The following INHBC variants were observed in gnomAD, a reference collection of about 807,000 sequenced individuals.
INHBC encodes inhibin subunit beta C, also known as inhibin beta C chain.
In INHBC, 10 loss-of-function variants were observed where a neutral mutation model predicts 12.4. That is an observed-to-expected ratio of 0.81 (90% confidence interval 0.50 to 1.37). INHBC has a LOEUF of 1.37. Among genes scored for constraint, INHBC ranks in the 40% most tolerant of loss-of-function variants. The pLI is 0.00. For missense variants in INHBC, 382 were observed against 439.4 expected, an observed-to-expected ratio of 0.87 and a Z score of 1.17; for synonymous variants, 147 against 171.6, an observed-to-expected ratio of 0.86 and a Z score of 1.12.
chr12:57,447,855 T>C (rs1323343305), intron 1 of INHBC, among the ~76,000 whole-genome samples: 1 of 29,222 alleles, frequency 3.4e-5, no homozygotes, highest in Non-Finnish European at 5.8e-5. Flanking sequence ...GGAACAAAAC[T>C]CCGTCTCAAA....
intron 1 of INHBC, among the ~76,000 whole-genome samples, chr12:57,436,957 G>A (rs551420323): frequency 6.6e-6 from 1 of 152,188 alleles, no homozygotes; most frequent in Non-Finnish European, 1.5e-5. Context: ...GTGAGCCACC[G>A]CGCCCAGCAT....
intron 1 of INHBC, among the ~76,000 whole-genome samples, chr12:57,440,211 GGTTTT>G (rs762960810): frequency 2.6e-5 from 4 of 152,020 alleles, no homozygotes; most frequent in Non-Finnish European, 4.4e-5. Flanking sequence ...TGAAGTAAAA[GGTTTT>G]GTTTTGTTTT....
At chr12:57,438,135 A>T (rs1291858992) in intron 1 of INHBC, among the ~76,000 whole-genome samples, 2 of 152,184 alleles carry the variant, frequency 1.3e-5, no homozygotes, top group African/African-American at 4.8e-5. Context: ...GCCTGGGCTC[A>T]GATTCTTGCT....
At chr12:57,436,920 C>A (rs893381362) in intron 1 of INHBC, among the ~76,000 whole-genome samples, 10 of 151,380 alleles carry the variant, frequency 6.6e-5, no homozygotes, top group African/African-American at 1.9e-4. Flanking sequence ...TCCTGCCTCG[C>A]CCTCCCAAAG....
intron 1 of INHBC, among the ~76,000 whole-genome samples, chr12:57,436,530 A>G (rs1870345606): frequency 7.2e-6 from 1 of 138,194 alleles, no homozygotes; most frequent in Non-Finnish European, 1.5e-5. Flanking sequence ...GCTGGAATGC[A>G]GTGGTATGAT....
At chr12:57,442,440 T>A (rs1870486382) in intron 1 of INHBC, among the ~76,000 whole-genome samples, 1 of 152,188 alleles carries the variant, frequency 6.6e-6, no homozygotes, top group South Asian at 2.1e-4. Context: ...GGGTGCTTTG[T>A]GACCTAGCAA....
At chr12:57,439,280 A>G (rs894942236) in intron 1 of INHBC, among the ~76,000 whole-genome samples, 4 of 152,210 alleles carry the variant, frequency 2.6e-5, no homozygotes, top group Admixed American at 2.6e-4. Flanking sequence ...CAGAGCAGTC[A>G]CTGATCCATA....
rs1870719007 is a variant in INHBC at position 57,451,869 on chromosome 12, T to G, written c.*1847T>G. 1 of 455,482 alleles carries G rather than the reference T, an allele frequency of 2.2e-6. No homozygotes were observed. The highest frequency in any genetic ancestry group is 2.0e-5 in the African/African-American group (1 of 49,924). The allele number at this position is 455,482 out of a possible 1,614,324, so 28.2% of individuals were successfully genotyped here. On this transcript the variant is annotated 3_prime_UTR_variant, in exon 2 of 2. Coordinates refer to ENST00000309668, the MANE Select transcript of INHBC (RefSeq NM_005538.4). ...TCTAACCTCCTTCCCAATTACAGCT[T>G]AGTCTCCAGGGCTAGGACTGGGGTA...
At chr12:57,448,296 C>T (rs1474956169) in intron 1 of INHBC, among the ~76,000 whole-genome samples, 1 of 151,962 alleles carries the variant, frequency 6.6e-6, no homozygotes, top group African/African-American at 2.4e-5. Context: ...CTTGGCTGGG[C>T]GTGGTGGCTC....
At chr12:57,442,927 G>A (rs1183756355) in intron 1 of INHBC, among the ~76,000 whole-genome samples, 1 of 150,298 alleles carries the variant, frequency 6.7e-6, no homozygotes, top group South Asian at 2.1e-4. Flanking sequence ...GGAGGCTGAG[G>A]TTGCAGTGAG....
chr12:57,438,815 T>G (rs1566549563), intron 1 of INHBC, among the ~76,000 whole-genome samples: 1 of 152,164 alleles, frequency 6.6e-6, no homozygotes, highest in Non-Finnish European at 1.5e-5. Flanking sequence ...GCTACCCACA[T>G]CAAAATTTCA....
At chr12:57,443,790 T>TTTGA (rs1486329038) in intron 1 of INHBC, among the ~76,000 whole-genome samples, 1 of 152,032 alleles carries the variant, frequency 6.6e-6, no homozygotes, top group African/African-American at 2.4e-5. Context: ...ATTTTGTTTG[T>TTTGA]TTGTTTGTTT....
At chr12:57,445,717 C>A (rs558106269) in intron 1 of INHBC, among the ~76,000 whole-genome samples, 5 of 145,240 alleles carry the variant, frequency 3.4e-5, no homozygotes, top group Admixed American at 6.9e-5. Flanking sequence ...AGTGAGACCC[C>A]CCGCCCATCT....
At position 57,435,213 on chromosome 12, in the gene INHBC, C is replaced by T; in HGVS notation, c.313+14C>T. The T allele has an allele frequency of 6.3e-7, 1 of 1,595,502 alleles. No individual in the cohort carries two copies. Among genetic ancestry groups the T allele is most frequent in the Non-Finnish European group, 8.6e-7 (1 of 1,167,158 alleles). Reference sequence around the variant, plus strand: ...TTGCTGAGACAGGTGGGTTCCTGATCTGTAGCTCTTCCCCAGAACTTGACC... The same window carrying T: ...TTGCTGAGACAGGTGGGTTCCTGATTTGTAGCTCTTCCCCAGAACTTGACC... On this transcript the variant is annotated intron_variant, in intron 1 of 1. Transcript: ENST00000309668.
At chr12:57,439,675 A>G (rs1870415713) in intron 1 of INHBC, among the ~76,000 whole-genome samples, 2 of 152,194 alleles carry the variant, frequency 1.3e-5, no homozygotes, top group African/African-American at 4.8e-5. Flanking sequence ...AAGGCACCAC[A>G]TTCTATCAAG....
intron 1 of INHBC, among the ~76,000 whole-genome samples, chr12:57,446,568 A>G (rs946369702): frequency 6.6e-6 from 1 of 151,474 alleles, no homozygotes; most frequent in Admixed American, 6.6e-5. Context: ...TTGATGTCTC[A>G]CTATAGCCTT....
At position 57,449,137 on chromosome 12, in the gene INHBC, C is replaced by T; in HGVS notation, c.314-140C>T. On this transcript the variant is annotated intron_variant, in intron 1 of 1. Transcript: ENST00000309668. ...ACTGCATTGGAGGTCCAATTTCCAG[C>T]ACATGAACTTTGGAGGACATGTTTA... 4 of 1,116,674 alleles carry T rather than the reference C, an allele frequency of 3.6e-6. No individual in the cohort carries two copies. In the East Asian group the frequency reaches 9.5e-5, roughly 27 times the overall value. The allele number at this position is 1,116,674 out of a possible 1,614,324, so 69.2% of individuals were successfully genotyped here. A position where few individuals can be genotyped will look rare whatever the true frequency, so the allele number is the denominator to read the frequency against.
Position 57,451,942 on chromosome 12 carries a change from G to A in INHBC, c.*1920G>A, listed in dbSNP as rs1170355567. The A allele has an allele frequency of 2.4e-6, 1 of 423,186 alleles. No individual in the cohort carries two copies. Among genetic ancestry groups the A allele is most frequent in the Admixed American group, 2.9e-5 (1 of 34,136 alleles). 26.2% of individuals were successfully genotyped at this position (423,186 alleles called of 1,614,324 possible). ...GGGGGGGCTAAATTTTAAGGGGGTGGTGAACAATTTATTAATCAAGATAGG... is the reference window on the plus strand; with the variant it reads ...GGGGGGGCTAAATTTTAAGGGGGTGATGAACAATTTATTAATCAAGATAGG... On this transcript the variant is annotated 3_prime_UTR_variant, in exon 2 of 2. Transcript: ENST00000309668.
intron 1 of INHBC, among the ~76,000 whole-genome samples, chr12:57,445,202 A>T (rs1037090491): frequency 1.8e-4 from 28 of 152,256 alleles, no homozygotes; most frequent in African/African-American, 6.8e-4. Context: ...TAAGTGTCAA[A>T]CAAGTTTCCT....
Sources: allele counts gnomAD v4.1 joint callset (sites outside exome capture counted in the v4.1 genomes callset), GRCh38; gene constraint gnomAD v4.1.1; transcripts MANE v1.5; gene names NCBI Gene and HGNC (gene_info 2026-07-23, HGNC 2026-07-21).